Variants in CDK7 observed in about 807,000 individuals in gnomAD.
CDK7 encodes the protein cyclin dependent kinase 7.
CDK7 carries 25 observed loss-of-function variants against 49.1 expected under a neutral mutation model. The observed-to-expected ratio is 0.51, with a 90% CI of 0.37 to 0.71. The LOEUF is 0.71. Among genes scored for constraint, CDK7 ranks in the 30% least tolerant of loss-of-function variants. The pLI is 0.00. For missense variants in CDK7, 316 were observed against 411.7 expected (o/e 0.77, Z 2.01); for synonymous variants, 107 against 140.0 (o/e 0.76, Z 1.67).
At chr5:69,250,339 A>C (rs1190683185) in intron 2 of CDK7, among the ~76,000 whole-genome samples, 1 of 152,176 alleles carries the variant, frequency 6.6e-6, no homozygotes, top group African/African-American at 2.4e-5. Context: ...AGACTTATAG[A>C]GGTACCATCT....
intron 8 of CDK7, among the ~76,000 whole-genome samples, chr5:69,262,739 T>G (rs997335874): frequency 1.3e-5 from 2 of 151,850 alleles, no homozygotes; most frequent in African/African-American, 2.4e-5. Flanking sequence ...ACAAAAAGCC[T>G]ACAAATAGTC....
At chr5:69,242,151 T>C (rs186324059) in intron 2 of CDK7, among the ~76,000 whole-genome samples, 9 of 152,382 alleles carry the variant, frequency 5.9e-5, no homozygotes, top group Non-Finnish European at 1.0e-4. Flanking sequence ...GCACCACTTA[T>C]TTATTTTGTT....
chr5:69,235,065 G>A (rs1450764731), intron 1 of CDK7, 24 bp downstream of exon 1: 34 of 1,587,360 alleles, frequency 2.1e-5, no homozygotes, highest in Non-Finnish European at 2.9e-5. Flanking sequence ...GAAGGACGGG[G>A]AGGGCCCCAA....
intron 8 of CDK7, among the ~76,000 whole-genome samples, 163 bp downstream of exon 8, chr5:69,262,467 G>A (rs868467163): frequency 2.6e-5 from 4 of 152,028 alleles, no homozygotes; most frequent in Admixed American, 6.6e-5. Context: ...TCAGGAGTTC[G>A]AAGCCAGCCT....
In CDK7 at chr5:69,254,729, A is replaced by C; in HGVS notation, c.228+60A>C. 3.4e-6 allele frequency: 3 copies of C among 889,180 alleles called. No individual in the cohort carries two copies. In the South Asian group the frequency reaches 4.0e-5, roughly 12 times the overall value. The allele number at this position is 889,180 out of a possible 1,614,324, so 55.1% of individuals were successfully genotyped here. ...ACTCTGCCTTTTCTTAATATAATGGATGTTGATTAAAGGCTCAGCAAGATG... is the reference window on the plus strand; with the variant it reads ...ACTCTGCCTTTTCTTAATATAATGGCTGTTGATTAAAGGCTCAGCAAGATG... On this transcript the variant is annotated intron_variant, in intron 4 of 11. Transcript: ENST00000256443.
At chr5:69,275,373 A>G (rs1752012771) in intron 10 of CDK7, among the ~76,000 whole-genome samples, 1 of 152,138 alleles carries the variant, frequency 6.6e-6, no homozygotes, top group African/African-American at 2.4e-5. Context: ...CATGACTTGG[A>G]ATTTGAATAT....
intron 2 of CDK7, among the ~76,000 whole-genome samples, chr5:69,236,876 T>C (rs1048275335): frequency 6.0e-5 from 9 of 150,446 alleles, no homozygotes; most frequent in African/African-American, 2.2e-4. Context: ...GGTCTCGAAC[T>C]CCTGACCTCA....
At chr5:69,240,964 C>G (rs960421735) in intron 2 of CDK7, among the ~76,000 whole-genome samples, 2 of 152,048 alleles carry the variant, frequency 1.3e-5, no homozygotes, top group African/African-American at 4.8e-5. Context: ...TGTATATGCA[C>G]CACATTTTCT....
In CDK7 at chr5:69,250,764, C is replaced by G. The variant is rs188772299; in HGVS notation, c.127-1654C>G. ...AAACAGGAGTCTCTGCTGGTAGCCACTACAGCTGTGAATGTGCTGTGTCAT... is the reference window on the plus strand; with the variant it reads ...AAACAGGAGTCTCTGCTGGTAGCCAGTACAGCTGTGAATGTGCTGTGTCAT... On this transcript the variant is annotated intron_variant, in intron 2 of 11. Transcript: ENST00000256443. 1.5e-3 allele frequency: 702 copies of G among 456,688 alleles called. 5 individuals are homozygous for G. The highest frequency in any genetic ancestry group is 2.6e-3 in the Non-Finnish European group (598 of 226,972). 28.3% of individuals were successfully genotyped at this position (456,688 alleles called of 1,614,324 possible).
chr5:69,260,752 C>T (rs1750761884), intron 7 of CDK7, among the ~76,000 whole-genome samples: 1 of 152,152 alleles, frequency 6.6e-6, no homozygotes, highest in Admixed American at 6.6e-5. Flanking sequence ...TAATTTTTGT[C>T]CCAGTGGCAT....
At chr5:69,253,096 C>A (rs1750255652) in intron 3 of CDK7, among the ~76,000 whole-genome samples, 1 of 152,012 alleles carries the variant, frequency 6.6e-6, no homozygotes, top group South Asian at 2.1e-4. Flanking sequence ...TTTGAAAATT[C>A]AGGATACATT....
intron 2 of CDK7, among the ~76,000 whole-genome samples, chr5:69,251,120 C>CA (rs913188028): frequency 7.1e-6 from 1 of 140,350 alleles, no homozygotes; most frequent in African/African-American, 2.6e-5. Flanking sequence ...TTTTTCGAGA[C>CA]AGAGTCTCGC....
intron 8 of CDK7, among the ~76,000 whole-genome samples, chr5:69,263,998 C>T (rs905410017): frequency 9.9e-5 from 15 of 152,190 alleles, no homozygotes; most frequent in African/African-American, 3.4e-4. Flanking sequence ...CTATTTTAAG[C>T]TGTTCTTGTG....
chr5:69,245,895 G>C (rs898767146), intron 2 of CDK7, among the ~76,000 whole-genome samples: 2 of 152,170 alleles, frequency 1.3e-5, no homozygotes, highest in Middle Eastern at 3.4e-3. Flanking sequence ...TGGTTGTAGT[G>C]TCCCCTTTTT....
chr5:69,269,641 T>G (rs1341363449), intron 9 of CDK7, among the ~76,000 whole-genome samples: 1 of 152,106 alleles, frequency 6.6e-6, no homozygotes, highest in Admixed American at 6.6e-5. Context: ...TCACGTCGTA[T>G]ATATACACGG....
At position 69,277,315 on chromosome 5, in the gene CDK7, G is replaced by T; in HGVS notation, c.*180G>T. 4.5e-6 allele frequency: 2 copies of T among 441,716 alleles called. No individual in the cohort carries two copies. The highest frequency in any genetic ancestry group is 1.6e-4 in the South Asian group (2 of 12,370). The allele number at this position is 441,716 out of a possible 1,614,324, so 27.4% of individuals were successfully genotyped here. A position where few individuals can be genotyped will look rare whatever the true frequency, so the allele number is the denominator to read the frequency against. On this transcript the variant is annotated 3_prime_UTR_variant, in exon 12 of 12. Coordinates refer to ENST00000256443, the MANE Select transcript of CDK7 (RefSeq NM_001799.4). Reference sequence around the variant, plus strand: ...TATTTTAAAATAAAAATTTAATTCTGGTTTTTCTGATTAGAGTGCAAAAGT... The same window carrying T: ...TATTTTAAAATAAAAATTTAATTCTTGTTTTTCTGATTAGAGTGCAAAAGT...
chr5:69,254,233 T>C (rs781449193), intron 3 of CDK7, among the ~76,000 whole-genome samples: 5 of 151,960 alleles, frequency 3.3e-5, no homozygotes, highest in South Asian at 2.1e-4. Context: ...TTTAAAAATA[T>C]GTGTTTGTGG....
chr5:69,249,842 G>A (rs1051091394), intron 2 of CDK7, among the ~76,000 whole-genome samples: 4 of 152,120 alleles, frequency 2.6e-5, no homozygotes, highest in Non-Finnish European at 4.4e-5. Context: ...GCAAAACTCC[G>A]TCTCCAAAAA....
chr5:69,272,756 T>C (rs1387823106), intron 9 of CDK7, 136 bp from the exon 10 acceptor site: 1 of 462,934 alleles, frequency 2.2e-6, no homozygotes, highest in Non-Finnish European at 3.8e-6. Context: ...CTTGTCTTAC[T>C]ACTAGTTCTA....
Sources: allele counts gnomAD v4.1 joint callset (sites outside exome capture counted in the v4.1 genomes callset), GRCh38; gene constraint gnomAD v4.1.1; transcripts MANE v1.5; gene names NCBI Gene and HGNC (gene_info 2026-07-23, HGNC 2026-07-21).